CDC42BPA: variants seen among roughly 807,000 people sequenced by gnomAD.
The protein encoded by CDC42BPA is CDC42 binding protein kinase alpha.
Under a neutral mutation model 223.5 loss-of-function variants are expected in CDC42BPA, and 80 were observed. That is an observed-to-expected ratio of 0.36 (90% CI 0.30 to 0.43). The LOEUF is 0.43. CDC42BPA is among the 20% of genes least tolerant of loss of function. CDC42BPA has a pLI of 1.00. For missense variants in CDC42BPA, 1,743 were observed against 2,099.9 expected (o/e 0.83, Z 3.32); for synonymous variants, 694 against 718.6 (o/e 0.97, Z 0.55).
intron 16 of CDC42BPA, among the ~76,000 whole-genome samples, chr1:227,083,701 ATTTACT>A (rs1390041942): frequency 6.6e-6 from 1 of 152,180 alleles, no homozygotes; most frequent in African/African-American, 2.4e-5. Flanking sequence ...TCCACAGAGT[ATTTACT>A]TTTACTTTTG....
At chr1:227,063,541 C>T (rs958773103) in intron 21 of CDC42BPA, among the ~76,000 whole-genome samples, 2 of 151,756 alleles carry the variant, frequency 1.3e-5, no homozygotes, top group South Asian at 2.1e-4. Flanking sequence ...CGATAAAATA[C>T]GTAATATATA....
intron 5 of CDC42BPA, among the ~76,000 whole-genome samples, chr1:227,180,233 C>G (rs1667715589): frequency 6.6e-6 from 1 of 151,670 alleles, no homozygotes; most frequent in Non-Finnish European, 1.5e-5. Flanking sequence ...AATCAATCTG[C>G]CTTTGAAGGG....
chr1:227,207,674 G>T (rs917540018), intron 3 of CDC42BPA, among the ~76,000 whole-genome samples: 5 of 150,986 alleles, frequency 3.3e-5, no homozygotes, highest in African/African-American at 1.2e-4. Context: ...TTTCATCTAT[G>T]TCCCTACAAA....
rs145360320 is a variant in CDC42BPA, at chr1:227,166,753, C to G, written c.600-6117G>C. 4.9e-3 allele frequency among the ~76,000 whole-genome samples: 742 copies of G among 152,234 alleles called. 5 individuals carry two copies. Among genetic ancestry groups the G allele is most frequent in the African/African-American group, 0.017 (695 of 41,524 alleles). On this transcript the variant is annotated intron_variant, in intron 5 of 36. Transcript: ENST00000366766. ...ACACATTCCAATTCCCATTAGTGCT[C>G]ACTAGGGGCGGGAGTGGGGGTGCCT...
At chr1:227,059,537 T>G (rs944605904) in intron 21 of CDC42BPA, 1 of 818,732 alleles carries the variant, frequency 1.2e-6, no homozygotes, top group Non-Finnish European at 2.0e-6. Flanking sequence ...TTTGGATAGG[T>G]TGAATGTACA....
intron 1 of CDC42BPA, among the ~76,000 whole-genome samples, chr1:227,297,961 T>TATACACACACAC (rs1333893005): frequency 1.0e-5 from 1 of 96,102 alleles, no homozygotes; most frequent in African/African-American, 4.5e-5. Flanking sequence ...TGTGTATATA[T>TATACACACACAC]ACATATACAC....
intron 14 of CDC42BPA, among the ~76,000 whole-genome samples, chr1:227,106,010 C>T (rs1025155592): frequency 5.3e-5 from 8 of 152,118 alleles, no homozygotes; most frequent in Non-Finnish European, 1.2e-4. Context: ...TTTGAGGAAC[C>T]ACCACATTGT....
chr1:227,199,295 C>G (rs1239257950), intron 4 of CDC42BPA, among the ~76,000 whole-genome samples: 1 of 151,764 alleles, frequency 6.6e-6, no homozygotes. Context: ...TCCTGAAGAC[C>G]GTCTATAGAA....
chr1:227,001,256 G>GA (rs1184495011), intron 35 of CDC42BPA, among the ~76,000 whole-genome samples: 13 of 152,312 alleles, frequency 8.5e-5, no homozygotes, highest in African/African-American at 2.9e-4. Context: ...GGCTAGTCTT[G>GA]AAGCCAGCAG....
At chr1:227,207,669 T>A (rs1448973511) in intron 3 of CDC42BPA, among the ~76,000 whole-genome samples, 2 of 151,582 alleles carry the variant, frequency 1.3e-5, no homozygotes, top group African/African-American at 4.9e-5. Context: ...TCCAATTTCA[T>A]CTATGTCCCT....
At chr1:227,220,460 G>A (rs1313181350) in intron 2 of CDC42BPA, among the ~76,000 whole-genome samples, 2 of 150,544 alleles carry the variant, frequency 1.3e-5, no homozygotes, top group African/African-American at 4.9e-5. Flanking sequence ...CTCAATCTCA[G>A]CTGAACCCTC....
chr1:227,228,030 G>A (rs912581726), intron 2 of CDC42BPA, among the ~76,000 whole-genome samples: 1 of 151,890 alleles, frequency 6.6e-6, no homozygotes, highest in Non-Finnish European at 1.5e-5. Context: ...ACCAAACACT[G>A]CATGTTCTCA....
intron 5 of CDC42BPA, among the ~76,000 whole-genome samples, chr1:227,166,918 T>C (rs1019983754): frequency 6.6e-6 from 1 of 152,148 alleles, no homozygotes; most frequent in Non-Finnish European, 1.5e-5. Flanking sequence ...AGAGGAGGAA[T>C]AGCAAGAGCT....
intron 11 of CDC42BPA, among the ~76,000 whole-genome samples, chr1:227,127,720 T>C (rs1456606104): frequency 3.3e-5 from 5 of 152,212 alleles, no homozygotes; most frequent in Admixed American, 6.5e-5. Flanking sequence ...ATTAGATATA[T>C]AGATATTTCT....
intron 1 of CDC42BPA, among the ~76,000 whole-genome samples, chr1:227,310,882 G>A (rs1445092936): frequency 2.6e-5 from 4 of 151,116 alleles, no homozygotes; most frequent in African/African-American, 2.4e-5. Context: ...TAGTAGAGAC[G>A]CGGTTTCACC....
chr1:227,193,267 T>G (rs1239028912), intron 5 of CDC42BPA, among the ~76,000 whole-genome samples: 1 of 151,604 alleles, frequency 6.6e-6, no homozygotes, highest in South Asian at 2.1e-4. Flanking sequence ...AGAGACGGAG[T>G]TTCACCGTGG....
At chr1:227,182,742 C>G (rs562418760) in intron 5 of CDC42BPA, 1 of 152,084 alleles carries the variant, frequency 6.6e-6, no homozygotes, top group African/African-American at 2.4e-5. Flanking sequence ...GACAGTGTTA[C>G]CAGAGGAAAC....
rs1248832218 is a variant in CDC42BPA at position 227,112,352 on chromosome 1, T to G, written c.1961A>C (p.His654Pro). 1.2e-6 allele frequency: 2 copies of G among 1,607,144 alleles called. No homozygotes were observed. Among genetic ancestry groups the G allele is most frequent in the African/African-American group, 2.7e-5 (2 of 74,628 alleles). The part of the protein sequence containing the change: ...KDRKLREQSE[H>P]YSKQLENELE... Reference sequence around the variant, plus strand: ...TTCATTTTCCAGTTGCTTAGAATAGTGCTCACTCTGTTCACGTAGCTTCCT... The same window carrying G: ...TTCATTTTCCAGTTGCTTAGAATAGGGCTCACTCTGTTCACGTAGCTTCCT... The change falls in exon 14 of 37, where the codon CAC (histidine) becomes CCC (proline). Residue 654 changes from histidine to proline, a missense_variant. Transcript: ENST00000366766.
At chr1:227,135,669 A>G (rs191500810) in intron 10 of CDC42BPA, among the ~76,000 whole-genome samples, 10 of 152,116 alleles carry the variant, frequency 6.6e-5, no homozygotes, top group African/African-American at 1.7e-4. Flanking sequence ...CCTGGCTTAC[A>G]TGGTGAAACC....
Sources: gnomAD v4.1 joint callset for allele counts (sites outside exome capture counted in the v4.1 genomes callset) on GRCh38, gnomAD v4.1.1 for gene constraint, MANE v1.5 for transcripts, NCBI Gene and HGNC (gene_info 2026-07-23, HGNC 2026-07-21) for gene names.